Variants in LRP1B observed in about 807,000 individuals in gnomAD.
LRP1B encodes low-density lipoprotein receptor-related protein 1B.
A neutral mutation model predicts 556.6 loss-of-function variants in LRP1B; 217 were observed. The observed-to-expected ratio is 0.39, with a 90% CI of 0.35 to 0.44. The LOEUF (loss-of-function observed/expected upper bound fraction) is 0.44. Among genes scored for constraint, LRP1B ranks in the 20% least tolerant of loss-of-function variants. LRP1B has a pLI of 1.00. For missense variants in LRP1B, 5,053 were observed against 5,620.8 expected (o/e 0.90, Z 3.23); for synonymous variants, 2,047 against 1,865.8 (o/e 1.10, Z -2.50).
rs764826231 is a variant in LRP1B, at chr2:140,256,449, C to CTT, written c.13248-9289_13248-9288dup. ...GGTTTTCTTTTCTCTTTTTTCCTTC[C>CTT]TTTTTTTTTTTTTTTTTTTTTTTTT... is the stretch of plus-strand genomic sequence containing the variant. On this transcript the variant is annotated intron_variant, in intron 86 of 90. Coordinates refer to ENST00000389484, the MANE Select transcript of LRP1B (RefSeq NM_018557.3). Among the ~76,000 whole-genome samples the CTT allele has an allele frequency of 1.2e-4, 3 of 25,330 alleles. 1 individual carries two copies. The highest frequency in any genetic ancestry group is 3.9e-4 in the African/African-American group (3 of 7,732). The allele number at this position is 25,330 out of a possible 152,430, so 16.6% of individuals were successfully genotyped here. A position where few individuals can be genotyped will look rare whatever the true frequency, so the allele number is the denominator to read the frequency against.
intron 2 of LRP1B, among the ~76,000 whole-genome samples, chr2:141,643,412 T>C (rs1489890051): frequency 6.6e-6 from 1 of 152,144 alleles, no homozygotes; most frequent in East Asian, 1.9e-4. Context: ...ATATTTAAGA[T>C]AATGAAGAGT....
chr2:140,809,730 G>C (rs1424923961), intron 32 of LRP1B, among the ~76,000 whole-genome samples: 1 of 152,180 alleles, frequency 6.6e-6, no homozygotes, highest in Non-Finnish European at 1.5e-5. Flanking sequence ...TCTGGGAGCA[G>C]CCATGTGGGT....
chr2:140,240,953 C>T (rs2104887675), intron 87 of LRP1B, among the ~76,000 whole-genome samples: 1 of 150,952 alleles, frequency 6.6e-6, no homozygotes, highest in Middle Eastern at 3.4e-3. Context: ...CATACTGGAC[C>T]ACTTGCCAAA....
At chr2:140,996,067 CGT>C (rs1697236945) in intron 15 of LRP1B, among the ~76,000 whole-genome samples, 1 of 151,894 alleles carries the variant, frequency 6.6e-6, no homozygotes, top group African/African-American at 2.4e-5. Context: ...ATCCAGGAAT[CGT>C]GTGTCTTCTA....
intron 3 of LRP1B, among the ~76,000 whole-genome samples, chr2:141,340,345 T>C (rs1688012026): frequency 6.6e-6 from 1 of 152,196 alleles, no homozygotes; most frequent in Non-Finnish European, 1.5e-5. Flanking sequence ...TTCAACACAT[T>C]TCAAAGTCTC....
At chr2:140,542,705 C>A (rs1680182264) in intron 43 of LRP1B, among the ~76,000 whole-genome samples, 1 of 152,028 alleles carries the variant, frequency 6.6e-6, no homozygotes. Context: ...AGAAACAGAG[C>A]CCAGAGAACT....
intron 87 of LRP1B, among the ~76,000 whole-genome samples, chr2:140,243,694 T>G (rs1477199430): frequency 6.6e-6 from 1 of 151,216 alleles, no homozygotes; most frequent in Non-Finnish European, 1.5e-5. Context: ...GCCTATCACC[T>G]TGGTCCTGTA....
At chr2:140,662,173 A>G (rs559225154) in intron 41 of LRP1B, among the ~76,000 whole-genome samples, 1 of 151,920 alleles carries the variant, frequency 6.6e-6, no homozygotes, top group Non-Finnish European at 1.5e-5. Context: ...TACTACATAT[A>G]TATATCCGCT....
At chr2:140,815,867 C>T (rs73961896) in intron 31 of LRP1B, among the ~76,000 whole-genome samples, 992 of 91,182 alleles carry the variant, frequency 0.011, 75 homozygotes, top group East Asian at 0.037. Flanking sequence ...TGTTGTCTCT[C>T]TTTTTTTTTT....
In LRP1B at chr2:141,254,539, T is replaced by C; in HGVS notation, c.446A>G (p.Asp149Gly). 6.2e-7 allele frequency: 1 copy of C among 1,612,066 alleles called. No individual in the cohort carries two copies. The highest frequency in any genetic ancestry group is 8.5e-7 in the Non-Finnish European group (1 of 1,178,648). ...TTACTTACCTTTACAGCTTCTCCCA[T>C]CTTCTGTTATTTCGAATCCATCCTC... is the stretch of plus-strand genomic sequence containing the variant. ...YCEDGFEITE[D>G]GRSCKDQDEC... Residue 149 changes from aspartate to glycine, a missense_variant, in exon 4 of 91, where the codon GAT (aspartate) becomes GGT (glycine). This residue lies in a region of LRP1B where 3,619 missense variants were observed against 3,931.9 expected (regional missense o/e 0.92). Coordinates refer to ENST00000389484, the MANE Select transcript of LRP1B (RefSeq NM_018557.3).
chr2:141,920,891 T>C (rs1318674611), intron 1 of LRP1B, among the ~76,000 whole-genome samples: 1 of 151,994 alleles, frequency 6.6e-6, no homozygotes, highest in Non-Finnish European at 1.5e-5. Context: ...GTATTAGTCC[T>C]GTCCTTTTCT....
chr2:141,426,476 T>G (rs1680367595), intron 3 of LRP1B, among the ~76,000 whole-genome samples: 2 of 152,208 alleles, frequency 1.3e-5, no homozygotes, highest in African/African-American at 4.8e-5. Flanking sequence ...AATAATCAAG[T>G]CCTGATTTGG....
intron 2 of LRP1B, among the ~76,000 whole-genome samples, chr2:141,808,313 C>T (rs1054138125): frequency 2.0e-4 from 30 of 152,030 alleles, no homozygotes; most frequent in Admixed American, 1.3e-3. Flanking sequence ...GGGCAGAATG[C>T]AAGACCCTAT....
chr2:141,975,818 T>A (rs1701871245), intron 1 of LRP1B, among the ~76,000 whole-genome samples: 1 of 152,142 alleles, frequency 6.6e-6, no homozygotes, highest in Non-Finnish European at 1.5e-5. Flanking sequence ...TGCTAAGTCC[T>A]TAGTCCAGGG....
intron 86 of LRP1B, 58 bp from the exon 87 acceptor site, chr2:140,247,220 A>C: frequency 8.4e-7 from 1 of 1,185,956 alleles, no homozygotes; most frequent in Non-Finnish European, 1.3e-6. Flanking sequence ...CCCAGAAGTC[A>C]GCTAATGTAG....
At chr2:141,819,217 A>C (rs62155400) in intron 1 of LRP1B, among the ~76,000 whole-genome samples, 88,023 of 151,482 alleles carry the variant, frequency 0.58, 25,790 homozygotes, top group Non-Finnish European at 0.61. Context: ...CAGCCTAGGC[A>C]CAGAGTGAGA....
chr2:141,833,222 A>G (rs1697166873), intron 1 of LRP1B, among the ~76,000 whole-genome samples: 1 of 151,828 alleles, frequency 6.6e-6, no homozygotes, highest in Non-Finnish European at 1.5e-5. Flanking sequence ...ATTCTACAAC[A>G]TAAAGTATAT....
At chr2:140,233,478 G>A in intron 90 of LRP1B, 152 bp from the exon 91 acceptor site, 1 of 505,056 alleles carries the variant, frequency 2.0e-6, no homozygotes, top group Non-Finnish European at 3.3e-6. Context: ...TTATTTACAT[G>A]TTACATTTAC....
chr2:141,401,878 T>C (rs1690464208), intron 3 of LRP1B, among the ~76,000 whole-genome samples: 1 of 152,218 alleles, frequency 6.6e-6, no homozygotes, highest in African/African-American at 2.4e-5. Flanking sequence ...CTATTCTAGA[T>C]CCTATAGTGA....
Sources: allele counts gnomAD v4.1 joint callset (sites outside exome capture counted in the v4.1 genomes callset), GRCh38; gene constraint gnomAD v4.1.1; regional missense constraint gnomAD v4.1.1; transcripts MANE v1.5; gene names NCBI Gene and HGNC (gene_info 2026-07-23, HGNC 2026-07-21).